The following TRPC3 variants were observed in gnomAD, a reference collection of about 807,000 sequenced individuals.
The protein encoded by TRPC3 is short transient receptor potential channel 3.
TRPC3 carries 54 observed loss-of-function variants against 90.9 expected under a neutral mutation model. The observed-to-expected ratio is 0.59, with a 90% CI of 0.48 to 0.75. The LOEUF (loss-of-function observed/expected upper bound fraction) is 0.75. Ranked by LOEUF, TRPC3 falls within the 30% of genes least tolerant of loss-of-function variation. The pLI is 0.00. For missense variants in TRPC3, 918 were observed against 1,194.5 expected (o/e 0.77, Z 3.41); for synonymous variants, 424 against 450.9 (o/e 0.94, Z 0.75).
Position 121,877,778 on chromosome 4 carries a change from CAAAAAAAA to C in TRPC3, c.*1950_*1957del, listed in dbSNP as rs199924407. ...GCTCTACAGTTGTGAGGGGCATGGACAAAAAAAAAAAAAAAAAAAAGTCAGCTTTTTAT... is the reference window on the plus strand; with the variant it reads ...GCTCTACAGTTGTGAGGGGCATGGACAAAAAAAAAAAAGTCAGCTTTTTAT... On this transcript the variant is annotated 3_prime_UTR_variant, in exon 12 of 12. Coordinates refer to ENST00000379645, the MANE Select transcript of TRPC3 (RefSeq NM_001130698.2). Among the ~76,000 whole-genome samples, 2 of 119,678 alleles carry C rather than the reference CAAAAAAAA, an allele frequency of 1.7e-5. No individual in the cohort carries two copies. Among genetic ancestry groups the C allele is most frequent in the East Asian group, 2.4e-4 (1 of 4,242 alleles). 78.5% of individuals were successfully genotyped at this position (119,678 alleles called of 152,430 possible).
chr4:121,910,864 A>T (rs1729058963), intron 5 of TRPC3, among the ~76,000 whole-genome samples: 1 of 152,108 alleles, frequency 6.6e-6, no homozygotes. Context: ...CTCATATCAC[A>T]CTCTTATCCT....
rs573289639 is a variant in TRPC3 at position 121,888,150 on chromosome 4, A to T, written c.2548-5721T>A. ...ACTGGAATTGTAGAAGTGAGCCACC[A>T]TGTCTGGCCCTGATCAAAACATTTT... On this transcript the variant is annotated intron_variant, in intron 10 of 11. Coordinates refer to ENST00000379645, the MANE Select transcript of TRPC3 (RefSeq NM_001130698.2). Among the ~76,000 whole-genome samples the T allele has an allele frequency of 3.3e-5, 5 of 152,234 alleles. No individual in the cohort carries two copies. In the South Asian group the frequency reaches 1.0e-3, roughly 32 times the overall value.
intron 10 of TRPC3, among the ~76,000 whole-genome samples, chr4:121,898,929 A>G (rs1194888378): frequency 6.6e-6 from 1 of 152,070 alleles, no homozygotes; most frequent in Non-Finnish European, 1.5e-5. Context: ...TCCTGCTTCT[A>G]AAAAAATTGG....
rs55712749 is a variant in TRPC3, at chr4:121,907,440, C to T, written c.1920G>A (p.Gln640=). Residue 640 remains glutamine, a synonymous_variant, in exon 7 of 12, where the codon CAG becomes CAA. Transcript: ENST00000379645. ...LPANESFGPL[Q]ISLGRTVKDI... ...CCTTTACAGTCCTTCCAAGAGAGAT[C>T]TGCAGGGGGCCAAAGCTCTCATTTG... The T allele has an allele frequency of 1.2e-6, 2 of 1,613,368 alleles. No individual in the cohort carries two copies. The highest frequency in any genetic ancestry group is 1.7e-6 in the Non-Finnish European group (2 of 1,179,592).
intron 10 of TRPC3, among the ~76,000 whole-genome samples, chr4:121,899,207 G>C (rs879501164): frequency 1.3e-5 from 2 of 152,094 alleles, no homozygotes; most frequent in Non-Finnish European, 2.9e-5. Flanking sequence ...TGGATCACCT[G>C]AAAGAAAAAC....
At chr4:121,946,081 AG>A in intron 1 of TRPC3, among the ~76,000 whole-genome samples, 1 of 152,316 alleles carries the variant, frequency 6.6e-6, no homozygotes, top group South Asian at 2.1e-4. Context: ...TATAAAAACT[AG>A]GGGATCAGTC....
At chr4:121,887,639 G>C (rs1260463826) in intron 10 of TRPC3, among the ~76,000 whole-genome samples, 8 of 152,144 alleles carry the variant, frequency 5.3e-5, no homozygotes, top group African/African-American at 1.9e-4. Flanking sequence ...TGTTACCAAA[G>C]CGAAGTCATC....
At chr4:121,926,110 G>A (rs1729700423) in intron 2 of TRPC3, among the ~76,000 whole-genome samples, 1 of 152,178 alleles carries the variant, frequency 6.6e-6, no homozygotes, top group African/African-American at 2.4e-5. Context: ...AGGCCACGAA[G>A]GGAGGGTTCT....
intron 1 of TRPC3, among the ~76,000 whole-genome samples, chr4:121,940,994 G>A (rs569638023): frequency 2.0e-5 from 3 of 152,218 alleles, no homozygotes; most frequent in South Asian, 4.1e-4. Context: ...CCTCCCTTAC[G>A]GTCACTGAGG....
At chr4:121,911,797 T>C (rs1168586514) in intron 5 of TRPC3, 80 bp downstream of exon 5, 2 of 1,342,394 alleles carry the variant, frequency 1.5e-6, no homozygotes, top group Non-Finnish European at 2.0e-6. Flanking sequence ...TATAATAACA[T>C]TTTTTTTCAA....
chr4:121,907,161 C>T, intron 7 of TRPC3, 142 bp downstream of exon 7: 2 of 782,944 alleles, frequency 2.6e-6, no homozygotes, highest in Non-Finnish European at 2.0e-6. Flanking sequence ...ATATAATCAA[C>T]ACAAGCACTA....
At chr4:121,921,034 C>A (rs1729482870) in intron 3 of TRPC3, among the ~76,000 whole-genome samples, 2 of 152,254 alleles carry the variant, frequency 1.3e-5, no homozygotes, top group African/African-American at 4.8e-5. Flanking sequence ...ACATTAAATT[C>A]ACGGTCATGT....
In TRPC3 at chr4:121,911,499, G is replaced by A. The variant is rs183867332; in HGVS notation, c.1558+378C>T. ...AATGAAAACTCTCCTAAAATCTCTG[G>A]AACTAAAACAACAAAGAAAGTATTT... On this transcript the variant is annotated intron_variant, in intron 5 of 11. Coordinates refer to ENST00000379645, the MANE Select transcript of TRPC3 (RefSeq NM_001130698.2). 2.0e-3 allele frequency among the ~76,000 whole-genome samples: 300 copies of A among 152,162 alleles called. 1 individual carries two copies. Among genetic ancestry groups the A allele is most frequent in the Middle Eastern group, 3.4e-3 (1 of 294 alleles).
intron 7 of TRPC3, among the ~76,000 whole-genome samples, chr4:121,905,623 G>A (rs1308052880): frequency 1.3e-5 from 2 of 148,918 alleles, no homozygotes; most frequent in Non-Finnish European, 2.9e-5. Context: ...ACCTTCAAAA[G>A]TAAGTCTTTT....
chr4:121,905,322 C>G (rs996083850), intron 7 of TRPC3, among the ~76,000 whole-genome samples: 5 of 151,944 alleles, frequency 3.3e-5, no homozygotes, highest in African/African-American at 9.7e-5. Context: ...AGACGCCTCT[C>G]TATTTAAATT....
chr4:121,909,515 G>C (rs956707282), intron 6 of TRPC3, among the ~76,000 whole-genome samples: 5 of 152,204 alleles, frequency 3.3e-5, no homozygotes, highest in South Asian at 2.1e-4. Flanking sequence ...CCATTGGTTT[G>C]TACGGGGCAA....
chr4:121,907,190 T>C, intron 7 of TRPC3, 113 bp downstream of exon 7: 1 of 1,037,736 alleles, frequency 9.6e-7, no homozygotes, highest in Non-Finnish European at 1.4e-6. Flanking sequence ...TGATGGATTA[T>C]TTTCTGTGCT....
intron 11 of TRPC3, 77 bp downstream of exon 11, chr4:121,882,277 A>G: frequency 7.5e-7 from 1 of 1,334,042 alleles, no homozygotes; most frequent in Non-Finnish European, 1.0e-6. Flanking sequence ...GGATTTTTAA[A>G]ATATGCCTCA....
At chr4:121,914,371 T>C (rs1729223157) in intron 4 of TRPC3, among the ~76,000 whole-genome samples, 1 of 152,248 alleles carries the variant, frequency 6.6e-6, no homozygotes, top group African/African-American at 2.4e-5. Context: ...TGGGTTGCCC[T>C]TCTAGTTCCC....
Sources: allele counts gnomAD v4.1 joint callset (sites outside exome capture counted in the v4.1 genomes callset), GRCh38; gene constraint gnomAD v4.1.1; transcripts MANE v1.5; gene names NCBI Gene and HGNC (gene_info 2026-07-23, HGNC 2026-07-21).